The following TMEM178B variants were observed in gnomAD, a reference collection of about 807,000 sequenced individuals.
TMEM178B encodes transmembrane protein 178B.
Under a neutral mutation model 31.0 loss-of-function variants are expected in TMEM178B, and 5 were observed. That is an observed-to-expected ratio of 0.16 (90% CI 0.08 to 0.34). TMEM178B has a LOEUF of 0.34. TMEM178B is among the 10% of genes least tolerant of loss of function. The pLI is 1.00. For missense variants in TMEM178B, 275 were observed against 400.3 expected, an observed-to-expected ratio of 0.69 and a Z score of 2.67; for synonymous variants, 164 against 164.0, an observed-to-expected ratio of 1.00 and a Z score of 0.00.
rs58463775 is a variant in TMEM178B at position 141,349,167 on chromosome 7, A to T, written c.497-88441A>T. Reference sequence around the variant, plus strand: ...TTTTACTTATAAACTAGAAGTGTTCAGTATTTTTAAAGTATTCTATTTCTG... The same window carrying T: ...TTTTACTTATAAACTAGAAGTGTTCTGTATTTTTAAAGTATTCTATTTCTG... On this transcript the variant is annotated intron_variant, in intron 2 of 3. Coordinates refer to ENST00000565468, the MANE Select transcript of TMEM178B (RefSeq NM_001195278.2). 8.1e-3 allele frequency among the ~76,000 whole-genome samples: 1,227 copies of T among 152,332 alleles called. 16 individuals carry two copies. Among genetic ancestry groups the T allele is most frequent in the South Asian group, 0.038 (183 of 4,826 alleles).
At chr7:141,507,324 TG>T in the TMEM178B span, among the ~76,000 whole-genome samples, 3 of 152,202 alleles carry the variant, frequency 2.0e-5, no homozygotes, top group African/African-American at 7.2e-5. Context: ...AACTTTCACT[TG>T]GGCATCCAGG....
At chr7:141,138,411 G>C (rs1233654578) in intron 1 of TMEM178B, among the ~76,000 whole-genome samples, 1 of 152,022 alleles carries the variant, frequency 6.6e-6, no homozygotes, top group African/African-American at 2.4e-5. Context: ...TGGAGAATTA[G>C]TTTAACAGAT....
At chr7:141,263,999 G>T (rs969360867) in intron 2 of TMEM178B, among the ~76,000 whole-genome samples, 3 of 152,154 alleles carry the variant, frequency 2.0e-5, no homozygotes, top group Admixed American at 6.5e-5. Context: ...TCTCCCCTTG[G>T]AGTCATGGAG....
At chr7:141,355,363 G>A (rs1235320611) in intron 2 of TMEM178B, among the ~76,000 whole-genome samples, 1 of 152,188 alleles carries the variant, frequency 6.6e-6, no homozygotes, top group African/African-American at 2.4e-5. Context: ...TGGAGCCTTA[G>A]AGAAGCATTG....
At position 141,479,422 on chromosome 7, in the gene TMEM178B, A is replaced by T. The variant is rs928409813; in HGVS notation, c.*8636A>T. On this transcript the variant is annotated 3_prime_UTR_variant, in exon 4 of 4. Coordinates refer to ENST00000565468, the MANE Select transcript of TMEM178B (RefSeq NM_001195278.2). ...GGTGGTGGTGTTGGTGACAAGTTCT[A>T]CTTGGACTGGGACTCAACCCACCAT... The T allele has an allele frequency of 6.6e-6, 1 of 152,192 alleles. No individual in the cohort carries two copies. Among genetic ancestry groups the T allele is most frequent in the African/African-American group, 2.4e-5 (1 of 41,434 alleles). 9.4% of individuals were successfully genotyped at this position (152,192 alleles called of 1,614,324 possible).
intron 3 of TMEM178B, among the ~76,000 whole-genome samples, chr7:141,437,969 G>A (rs1461560743): frequency 2.0e-5 from 3 of 152,146 alleles, no homozygotes; most frequent in Non-Finnish European, 4.4e-5. Context: ...CTCACCTTTC[G>A]CTCAGAGCTG....
chr7:141,155,851 G>A (rs1328997514), intron 1 of TMEM178B, among the ~76,000 whole-genome samples: 2 of 152,172 alleles, frequency 1.3e-5, no homozygotes, highest in African/African-American at 4.8e-5. Context: ...GATCACCTGA[G>A]GTCAGGAATT....
At position 141,475,340 on chromosome 7, in the gene TMEM178B, A is replaced by G. The variant is rs1339894396; in HGVS notation, c.*4554A>G. ...TTGCCCTCTTTTCATTGATGCTGCC[A>G]TGATGCAAAATGTTTCTTAAACATT... On this transcript the variant is annotated 3_prime_UTR_variant, in exon 4 of 4. Transcript: ENST00000565468. 1 of 152,236 alleles carries G rather than the reference A, an allele frequency of 6.6e-6. No individual in the cohort carries two copies. Among genetic ancestry groups the G allele is most frequent in the African/African-American group, 2.4e-5 (1 of 41,454 alleles). The allele number at this position is 152,236 out of a possible 1,614,324, so 9.4% of individuals were successfully genotyped here.
intron 1 of TMEM178B, among the ~76,000 whole-genome samples, chr7:141,137,819 A>T (rs1389769412): frequency 6.6e-6 from 1 of 152,158 alleles, no homozygotes; most frequent in Non-Finnish European, 1.5e-5. Flanking sequence ...ATCAATGAAA[A>T]CAATCGTTTG....
At chr7:141,353,234 G>A (rs1799765127) in intron 2 of TMEM178B, among the ~76,000 whole-genome samples, 2 of 152,162 alleles carry the variant, frequency 1.3e-5, no homozygotes, top group African/African-American at 4.8e-5. Flanking sequence ...CCTCTGACAT[G>A]CAAACTTAGC....
intron 1 of TMEM178B, among the ~76,000 whole-genome samples, chr7:141,092,608 G>C (rs1319241876): frequency 1.3e-5 from 2 of 152,100 alleles, no homozygotes; most frequent in Admixed American, 1.3e-4. Context: ...TTTGTACAGG[G>C]GGCTTAGGAT....
At chr7:141,490,206 G>A in the TMEM178B span, among the ~76,000 whole-genome samples, 1 of 152,316 alleles carries the variant, frequency 6.6e-6, no homozygotes, top group Non-Finnish European at 1.5e-5. Context: ...AACAGTGCTG[G>A]TATTACTATG....
At chr7:141,185,496 G>A (rs1387815191) in intron 1 of TMEM178B, among the ~76,000 whole-genome samples, 1 of 152,210 alleles carries the variant, frequency 6.6e-6, no homozygotes, top group Non-Finnish European at 1.5e-5. Context: ...CTGCTGGCAT[G>A]TGGGTGCCTG....
intron 2 of TMEM178B, among the ~76,000 whole-genome samples, chr7:141,290,662 T>G (rs1036914018): frequency 5.3e-5 from 8 of 152,260 alleles, no homozygotes; most frequent in Non-Finnish European, 1.5e-5. Context: ...GTCAGATTTC[T>G]GTAGAATAAC....
chr7:141,161,069 C>A (rs558003145), intron 1 of TMEM178B, among the ~76,000 whole-genome samples: 37 of 152,096 alleles, frequency 2.4e-4, no homozygotes, highest in Non-Finnish European at 4.9e-4. Flanking sequence ...GTTGGTCAGG[C>A]TGGTCTTGAA....
intron 1 of TMEM178B, among the ~76,000 whole-genome samples, chr7:141,184,974 G>C (rs1247427274): frequency 6.6e-6 from 1 of 152,198 alleles, no homozygotes; most frequent in Non-Finnish European, 1.5e-5. Flanking sequence ...CTCTGGACGT[G>C]GCCAGACACA....
chr7:141,170,382 C>T (rs1796328261), intron 1 of TMEM178B, among the ~76,000 whole-genome samples: 1 of 151,960 alleles, frequency 6.6e-6, no homozygotes, highest in South Asian at 2.1e-4. Flanking sequence ...GTGGATTATA[C>T]CTTGTTTCTT....
Position 141,454,481 on chromosome 7 carries a change from G to T in TMEM178B, c.635-16055G>T, listed in dbSNP as rs952663960. Among the ~76,000 whole-genome samples the T allele has an allele frequency of 3.3e-5, 5 of 152,030 alleles. 1 individual carries two copies. Among genetic ancestry groups the T allele is most frequent in the Admixed American group, 2.0e-4 (3 of 15,258 alleles). ...TGTGGTCAGCCTTCCTGGGGTCAGG[G>T]CCCAAGACCCAGGCCAGCTTCAGGA... is the stretch of plus-strand genomic sequence containing the variant. On this transcript the variant is annotated intron_variant, in intron 3 of 3. Transcript: ENST00000565468.
intron 1 of TMEM178B, among the ~76,000 whole-genome samples, chr7:141,180,784 A>G (rs1486014720): frequency 6.6e-6 from 1 of 152,186 alleles, no homozygotes; most frequent in Non-Finnish European, 1.5e-5. Context: ...TTGACCTAAG[A>G]CTTGTCTCCT....
Sources: gnomAD v4.1 joint callset for allele counts (sites outside exome capture counted in the v4.1 genomes callset) on GRCh38, gnomAD v4.1.1 for gene constraint, MANE v1.5 for transcripts, NCBI Gene and HGNC (gene_info 2026-07-23, HGNC 2026-07-21) for gene names.